FBP1: variants seen among roughly 807,000 people sequenced by gnomAD.
FBP1 encodes the protein fructose-1,6-bisphosphatase 1.
FBP1 carries 22 observed loss-of-function variants against 29.9 expected under a neutral mutation model. The ratio of observed to expected loss-of-function variants is 0.74; its 90% CI spans 0.53 to 1.05. The LOEUF is 1.05. Among genes scored for constraint, FBP1 ranks in the 50% least tolerant of loss-of-function variants. FBP1 has a pLI of 0.00. For missense variants in FBP1, 345 were observed against 448.2 expected (o/e 0.77, Z 2.08); for synonymous variants, 175 against 178.6 (o/e 0.98, Z 0.16).
chr9:94,617,360 G>T (rs1328003631), intron 3 of FBP1, among the ~76,000 whole-genome samples: 1 of 152,190 alleles, frequency 6.6e-6, no homozygotes, highest in Admixed American at 6.5e-5. Flanking sequence ...TCAGCCCGGG[G>T]CTCATAGCTT....
Position 94,617,712 on chromosome 9 carries a change from G to C in FBP1, c.426+56C>G. 4 of 1,131,492 alleles carry C rather than the reference G, an allele frequency of 3.5e-6. No homozygotes were observed. In the Admixed American group the frequency reaches 5.1e-5, roughly 14 times the overall value. 70.1% of individuals were successfully genotyped at this position (1,131,492 alleles called of 1,614,324 possible). A position where few individuals can be genotyped will look rare whatever the true frequency, so the allele number is the denominator to read the frequency against. On this transcript the variant is annotated intron_variant, in intron 3 of 6. Transcript: ENST00000375326. The stretch of plus-strand genomic sequence containing the variant: ...GCTCTGCCACAGTGAAATAGGACTG[G>C]ATGCTCAATCTTAACTTCTGTCCCC...
intron 1 of FBP1, among the ~76,000 whole-genome samples, chr9:94,631,928 AC>A (rs1227053301): frequency 6.6e-6 from 1 of 151,860 alleles, no homozygotes; most frequent in Non-Finnish European, 1.5e-5. Context: ...GCTTGCATTC[AC>A]CGGGGCCTAA....
At chr9:94,620,217 G>T in intron 2 of FBP1, 112 bp downstream of exon 2, 1 of 1,042,700 alleles carries the variant, frequency 9.6e-7, no homozygotes, top group Non-Finnish European at 1.5e-6. Context: ...CCACAGCAGG[G>T]ATCTAGAGGG....
chr9:94,638,397 G>A (rs1357159587), intron 1 of FBP1, among the ~76,000 whole-genome samples: 4 of 152,210 alleles, frequency 2.6e-5, no homozygotes, highest in Non-Finnish European at 2.9e-5. Context: ...ACTCCATAGC[G>A]CATTCAGAAC....
At chr9:94,625,651 C>T (rs1182305628) in intron 1 of FBP1, among the ~76,000 whole-genome samples, 2 of 152,230 alleles carry the variant, frequency 1.3e-5, no homozygotes, top group African/African-American at 4.8e-5. Context: ...AAAAATTAGC[C>T]GGGGACGGTG....
At chr9:94,635,086 C>CAAAAAAAAAAAAAAAAAAAAAAAAAAAA in intron 1 of FBP1, among the ~76,000 whole-genome samples, 1 of 82,254 alleles carries the variant, frequency 1.2e-5, no homozygotes, top group Non-Finnish European at 2.3e-5. Flanking sequence ...GGCCCTGTCT[C>CAAAAAAAAAAAAAAAAAAAAAAAAAAAA]AAAAAAAAAA....
intron 1 of FBP1, among the ~76,000 whole-genome samples, chr9:94,634,064 C>T (rs1481948804): frequency 2.7e-5 from 4 of 150,442 alleles, no homozygotes; most frequent in Admixed American, 1.3e-4. Flanking sequence ...GAGGCCGGGG[C>T]GGGCAGATCA....
chr9:94,607,263 G>C (rs1356810922), intron 4 of FBP1, among the ~76,000 whole-genome samples: 1 of 152,204 alleles, frequency 6.6e-6, no homozygotes, highest in African/African-American at 2.4e-5. Context: ...CAACTGCTAA[G>C]CCTGCAAGAG....
chr9:94,639,730 C>CGCAA (rs28382858), upstream of FBP1, among the ~76,000 whole-genome samples: 14 of 149,668 alleles, frequency 9.4e-5, no homozygotes, highest in East Asian at 2.4e-3. Context: ...TGTCGCCCCC[C>CGCAA]ACACACACCC....
intron 3 of FBP1, among the ~76,000 whole-genome samples, chr9:94,611,346 A>G (rs944700494): frequency 6.6e-6 from 1 of 152,218 alleles, no homozygotes; most frequent in Non-Finnish European, 1.5e-5. Context: ...TGTATCACGC[A>G]GCTGGAGAAG....
intron 1 of FBP1, among the ~76,000 whole-genome samples, chr9:94,624,324 C>T (rs1395061966): frequency 7.1e-5 from 7 of 98,274 alleles, no homozygotes; most frequent in South Asian, 6.6e-4. Context: ...GGCGACAAAG[C>T]GAGACTCCAT....
intron 5 of FBP1, among the ~76,000 whole-genome samples, chr9:94,606,404 C>T (rs1416005550): frequency 1.3e-5 from 2 of 152,146 alleles, no homozygotes; most frequent in Non-Finnish European, 2.9e-5. Context: ...ACATTTCATC[C>T]CATCTGGGAC....
rs912343314 is a variant in FBP1, at chr9:94,616,433, C to CTATA, written c.426+1331_426+1334dup. On this transcript the variant is annotated intron_variant, in intron 3 of 6. Coordinates refer to ENST00000375326, the MANE Select transcript of FBP1 (RefSeq NM_000507.4). ...TTTGTACCCCCCAAAGCTGTTAAAA[C>CTATA]TATATATATATATACTTTTTTTTTT... Among the ~76,000 whole-genome samples the CTATA allele has an allele frequency of 2.5e-4, 17 of 68,318 alleles. No homozygotes were observed. The East Asian group carries it at 0.014, about 57-fold the overall frequency. 44.8% of individuals were successfully genotyped at this position (68,318 alleles called of 152,430 possible).
intron 3 of FBP1, among the ~76,000 whole-genome samples, chr9:94,612,280 C>T (rs1827796335): frequency 6.6e-6 from 1 of 152,166 alleles, no homozygotes; most frequent in South Asian, 2.1e-4. Context: ...CCACTGCAGG[C>T]TTCAAGTAAC....
rs1158278182 is a variant in FBP1 at position 94,606,795 on chromosome 9, C to T, written c.705+20G>A. Reference sequence around the variant, plus strand: ...CCAGATGCCCAGAACCTGCACCACCCTCCCCGGGCCCTCACTTACTGGGGG... The same window carrying T: ...CCAGATGCCCAGAACCTGCACCACCTTCCCCGGGCCCTCACTTACTGGGGG... On this transcript the variant is annotated intron_variant, in intron 5 of 6. Coordinates refer to ENST00000375326, the MANE Select transcript of FBP1 (RefSeq NM_000507.4). 1.9e-5 allele frequency: 31 copies of T among 1,611,068 alleles called. No homozygotes were observed. Among genetic ancestry groups the T allele is most frequent in the Non-Finnish European group, 2.5e-5 (30 of 1,178,626 alleles).
intron 1 of FBP1, among the ~76,000 whole-genome samples, chr9:94,633,946 TCCGCCCGAC>T (rs1828150485): frequency 6.6e-6 from 1 of 150,826 alleles, no homozygotes; most frequent in Non-Finnish European, 1.5e-5. Flanking sequence ...GACCTCGTGA[TCCGCCCGAC>T]TCGGCCTCCC....
Position 94,621,272 on chromosome 9 carries a change from T to G in FBP1, c.171-781A>C, listed in dbSNP as rs10993265. On this transcript the variant is annotated intron_variant, in intron 1 of 6. Transcript: ENST00000375326. Reference sequence around the variant, plus strand: ...TTAGCCGGGTGTGGTGGCGGGCGCCTGTAGTCCCAGCTATTCAGGATGCTG... The same window carrying G: ...TTAGCCGGGTGTGGTGGCGGGCGCCGGTAGTCCCAGCTATTCAGGATGCTG... Among the ~76,000 whole-genome samples the G allele has an allele frequency of 3.3e-3, 455 of 139,630 alleles. 4 individuals are homozygous for G. The highest frequency in any genetic ancestry group is 0.012 in the African/African-American group (434 of 36,500). The allele number at this position is 139,630 out of a possible 152,430, so 91.6% of individuals were successfully genotyped here. A position where few individuals can be genotyped will look rare whatever the true frequency, so the allele number is the denominator to read the frequency against.
intron 1 of FBP1, among the ~76,000 whole-genome samples, chr9:94,632,258 G>A (rs1027257329): frequency 6.6e-5 from 10 of 152,026 alleles, no homozygotes; most frequent in African/African-American, 2.4e-4. Flanking sequence ...GCCACTCTTG[G>A]GTGCAACATT....
At position 94,609,944 on chromosome 9, in the gene FBP1, C is replaced by T; in HGVS notation, c.544G>A (p.Val182Ile). 1.9e-6 allele frequency: 3 copies of T among 1,614,196 alleles called. No individual in the cohort carries two copies. The highest frequency in any genetic ancestry group is 2.5e-6 in the Non-Finnish European group (3 of 1,180,030). Residue 182 changes from valine (V) to isoleucine (I), a missense_variant, in exon 4 of 7, where the codon GTC (valine) becomes ATC (isoleucine). By Grantham distance (29) the Val-to-Ile change is conservative. Transcript: ENST00000375326. Reference protein sequence around the residue: ...TMLVLAMDCGVNCFMLDPAIG... With the variant: ...TMLVLAMDCGINCFMLDPAIG... Reference sequence around the variant, plus strand: ...ACCGGGTCCAGCATGAAGCAGTTGACCCCACAGTCCATGGCAAGGACCAGC... The same window carrying T: ...ACCGGGTCCAGCATGAAGCAGTTGATCCCACAGTCCATGGCAAGGACCAGC...
Sources: gnomAD v4.1 joint callset for allele counts (sites outside exome capture counted in the v4.1 genomes callset) on GRCh38, gnomAD v4.1.1 for gene constraint, MANE v1.5 for transcripts, NCBI Gene and HGNC (gene_info 2026-07-23, HGNC 2026-07-21) for gene names.